The following XYLT1 variants were observed in gnomAD, a reference collection of about 807,000 sequenced individuals.
XYLT1 encodes xylosyltransferase 1, also known as beta-D-xylosyltransferase 1.
A neutral mutation model predicts 91.3 loss-of-function variants in XYLT1; 36 were observed. That is an observed-to-expected ratio of 0.39 (90% CI 0.30 to 0.52). The LOEUF is 0.52. XYLT1 is among the 20% of genes least tolerant of loss of function. The pLI, the probability that XYLT1 is intolerant of heterozygous loss-of-function variation, is 0.68. For missense variants in XYLT1, 1,242 were observed against 1,284.5 expected, an observed-to-expected ratio of 0.97 and a Z score of 0.51; for synonymous variants, 588 against 532.0, an observed-to-expected ratio of 1.11 and a Z score of -1.45.
At position 17,284,948 on chromosome 16, in the gene XYLT1, A is replaced by G. The variant is rs1360152249; in HGVS notation, c.403-25450T>C. ...GTACACAGAGAGGAGAGAAGTCCGT[A>G]TCTCATTCTAAGTGCACTGGGGAGC... On this transcript the variant is annotated intron_variant, in intron 2 of 11. Coordinates refer to ENST00000261381, the MANE Select transcript of XYLT1 (RefSeq NM_022166.4). Among the ~76,000 whole-genome samples the G allele has an allele frequency of 3.3e-5, 5 of 152,224 alleles. No individual in the cohort carries two copies. The South Asian group carries it at 1.0e-3, about 32-fold the overall frequency.
At chr16:17,181,960 G>A (rs1282277080) in intron 5 of XYLT1, among the ~76,000 whole-genome samples, 2 of 152,102 alleles carry the variant, frequency 1.3e-5, no homozygotes, top group Admixed American at 6.5e-5. Flanking sequence ...GTGAGAAGGT[G>A]GAGAGGAGGT....
chr16:17,276,070 A>C (rs1004892105), intron 2 of XYLT1, among the ~76,000 whole-genome samples: 1 of 152,244 alleles, frequency 6.6e-6, no homozygotes, highest in South Asian at 2.1e-4. Context: ...AGAGAGAGAA[A>C]GAAATAGGCT....
At chr16:17,270,362 A>G (rs970522856) in intron 2 of XYLT1, among the ~76,000 whole-genome samples, 2 of 152,170 alleles carry the variant, frequency 1.3e-5, no homozygotes, top group Non-Finnish European at 2.9e-5. Context: ...CCAGCCCCTG[A>G]CTTAACCCAC....
chr16:17,146,190 C>CT (rs772614827), intron 6 of XYLT1, among the ~76,000 whole-genome samples: 1 of 152,194 alleles, frequency 6.6e-6, no homozygotes, highest in Non-Finnish European at 1.5e-5. Flanking sequence ...CTTAGCATTT[C>CT]TTTTCTGCAT....
At chr16:17,277,581 G>A (rs781645811) in intron 2 of XYLT1, among the ~76,000 whole-genome samples, 3 of 151,940 alleles carry the variant, frequency 2.0e-5, no homozygotes, top group African/African-American at 4.8e-5. Flanking sequence ...GTAGAGACGG[G>A]GTTTCACCAT....
chr16:17,353,926 G>C (rs2035256796), intron 2 of XYLT1, among the ~76,000 whole-genome samples: 1 of 152,222 alleles, frequency 6.6e-6, no homozygotes, highest in Non-Finnish European at 1.5e-5. Flanking sequence ...CCCTGGGCAA[G>C]TTACTTAGCC....
intron 1 of XYLT1, among the ~76,000 whole-genome samples, chr16:17,417,966 C>A (rs1332144748): frequency 6.6e-6 from 1 of 152,208 alleles, no homozygotes; most frequent in South Asian, 2.1e-4. Flanking sequence ...CCCCCAACAA[C>A]CCTCACCAAC....
At chr16:17,211,323 C>T (rs147960328) in intron 3 of XYLT1, among the ~76,000 whole-genome samples, 1 of 152,262 alleles carries the variant, frequency 6.6e-6, no homozygotes, top group African/African-American at 2.4e-5. Context: ...ATCCATCCTG[C>T]AAGGACCCAA....
rs374328092 is a variant in XYLT1 at position 17,358,056 on chromosome 16, G to A, written c.364-6C>T. On this transcript the variant is annotated splice_polypyrimidine_tract_variant and splice_region_variant and intron_variant, in intron 1 of 11. Transcript: ENST00000261381. ...AGCGGACTTGGGTGTGGATCCTGTA[G>A]GATGAAAGGAGAAAATGCACGTGAG... is the stretch of plus-strand genomic sequence containing the variant. 5.8e-5 allele frequency: 94 copies of A among 1,613,102 alleles called. 1 individual carries two copies. In the African/African-American group the frequency reaches 7.3e-4, roughly 13 times the overall value.
chr16:17,209,222 A>T (rs2032713968), intron 3 of XYLT1, among the ~76,000 whole-genome samples: 1 of 152,138 alleles, frequency 6.6e-6, no homozygotes, highest in Non-Finnish European at 1.5e-5. Context: ...TATGAATTTG[A>T]TAAGGAACCT....
chr16:17,438,761 C>T (rs1022124416), intron 1 of XYLT1, among the ~76,000 whole-genome samples: 1 of 152,006 alleles, frequency 6.6e-6, no homozygotes, highest in Non-Finnish European at 1.5e-5. Flanking sequence ...GGAGGTGCTA[C>T]ACACTTCGAA....
intron 2 of XYLT1, among the ~76,000 whole-genome samples, chr16:17,347,531 T>C (rs1370867889): frequency 1.3e-5 from 2 of 152,196 alleles, no homozygotes; most frequent in African/African-American, 2.4e-5. Flanking sequence ...TTTTCACAAA[T>C]AGAATGACAG....
intron 2 of XYLT1, among the ~76,000 whole-genome samples, chr16:17,293,664 A>T (rs62033203): frequency 0.17 from 25,547 of 151,814 alleles, 2,368 homozygotes; most frequent in Non-Finnish European, 0.2. Flanking sequence ...ATTGTTTGTA[A>T]TTTTGGTAGC....
intron 6 of XYLT1, among the ~76,000 whole-genome samples, chr16:17,143,283 C>T (rs2031034335): frequency 6.6e-6 from 1 of 152,140 alleles, no homozygotes; most frequent in African/African-American, 2.4e-5. Context: ...TCATCATCAT[C>T]TCCATCTTCA....
rs67167449 is a variant in XYLT1 at position 17,351,749 on chromosome 16, T to TGGGGG, written c.402+6258_402+6262dup. Among the ~76,000 whole-genome samples, 48 of 134,892 alleles carry TGGGGG rather than the reference T, an allele frequency of 3.6e-4. 1 individual carries two copies. Among genetic ancestry groups the TGGGGG allele is most frequent in the African/African-American group, 9.2e-4 (30 of 32,508 alleles). 88.5% of individuals were successfully genotyped at this position (134,892 alleles called of 152,430 possible). ...CTACTGACATTTGAGGCTTTTTTTT[T>TGGGGG]GGGGGGGGGTGCTTTCCTGTGCATT... On this transcript the variant is annotated intron_variant, in intron 2 of 11. Transcript: ENST00000261381.
chr16:17,441,100 T>C (rs1282593034), intron 1 of XYLT1, among the ~76,000 whole-genome samples: 2 of 151,930 alleles, frequency 1.3e-5, no homozygotes, highest in Admixed American at 1.3e-4. Context: ...TATTCTTGCT[T>C]TGTCACCCAG....
At chr16:17,134,786 G>T (rs762909393) in intron 8 of XYLT1, 51 bp from the exon 9 acceptor site, 11 of 1,600,278 alleles carry the variant, frequency 6.9e-6, no homozygotes, top group Admixed American at 1.7e-5. Context: ...AGTGCTGGGG[G>T]TTGGGGGGAA....
At chr16:17,208,987 A>G (rs2032710054) in intron 3 of XYLT1, among the ~76,000 whole-genome samples, 1 of 152,176 alleles carries the variant, frequency 6.6e-6, no homozygotes, top group Non-Finnish European at 1.5e-5. Context: ...TTGGCCTCCC[A>G]AAGTGCTGGG....
At chr16:17,128,142 T>G (rs914961749) in intron 9 of XYLT1, among the ~76,000 whole-genome samples, 1 of 152,188 alleles carries the variant, frequency 6.6e-6, no homozygotes, top group African/African-American at 2.4e-5. Flanking sequence ...TTCACAGATA[T>G]TGAGTCCTCT....
Sources: gnomAD v4.1 joint callset for allele counts (sites outside exome capture counted in the v4.1 genomes callset) on GRCh38, gnomAD v4.1.1 for gene constraint, MANE v1.5 for transcripts, NCBI Gene and HGNC (gene_info 2026-07-23, HGNC 2026-07-21) for gene names.